Variants in UCK2 observed in about 807,000 individuals in gnomAD.
UCK2 encodes the protein cytidine monophosphokinase 2.
Under a neutral mutation model 30.8 loss-of-function variants are expected in UCK2, and 6 were observed. That is an observed-to-expected ratio of 0.19 (90% CI 0.11 to 0.38). UCK2 has a LOEUF of 0.38. UCK2 is among the 10% of genes least tolerant of loss of function. UCK2 has a pLI of 1.00. For missense variants in UCK2, 210 were observed against 339.8 expected (o/e 0.62, Z 3.00); for synonymous variants, 125 against 133.6 (o/e 0.94, Z 0.45).
At chr1:165,896,040 A>AG in intron 3 of UCK2, 150 bp from the exon 4 acceptor site, 1 of 997,390 alleles carries the variant, frequency 1.0e-6, no homozygotes, top group Non-Finnish European at 1.5e-6. Flanking sequence ...GGGCTCTGTA[A>AG]GACCATATTA....
Position 165,834,061 on chromosome 1 carries a change from A to T in UCK2, c.99+6129A>T, listed in dbSNP as rs1459335348. ...AAATATTTTTTATTTGTGACTGAAG[A>T]TTGAAAGACGTTTTATTTTTAAAAA... is the stretch of plus-strand genomic sequence containing the variant. On this transcript the variant is annotated intron_variant, in intron 1 of 6. Transcript: ENST00000367879. Among the ~76,000 whole-genome samples, 3 of 152,176 alleles carry T rather than the reference A, an allele frequency of 2.0e-5. No homozygotes were observed. In the East Asian group the frequency reaches 5.8e-4, roughly 29 times the overall value.
chr1:165,888,506 A>G (rs1302609290), intron 1 of UCK2, among the ~76,000 whole-genome samples: 2 of 151,972 alleles, frequency 1.3e-5, no homozygotes, highest in Admixed American at 1.3e-4. Flanking sequence ...TGGCCAGGCT[A>G]GTCTCAAACT....
chr1:165,881,551 G>A (rs556981703), intron 1 of UCK2, among the ~76,000 whole-genome samples: 4 of 152,184 alleles, frequency 2.6e-5, no homozygotes, highest in East Asian at 1.9e-4. Context: ...ACTTTGGTCC[G>A]AGTCACTTAA....
At chr1:165,861,650 C>CAAAAA (rs986990445) in intron 1 of UCK2, among the ~76,000 whole-genome samples, 1 of 52,366 alleles carries the variant, frequency 1.9e-5, no homozygotes, top group Non-Finnish European at 3.4e-5. Flanking sequence ...AAAAAAAAAA[C>CAAAAA]AAAAAAAAAC....
intron 1 of UCK2, among the ~76,000 whole-genome samples, chr1:165,840,085 C>T (rs1397016571): frequency 6.6e-6 from 1 of 152,076 alleles, no homozygotes; most frequent in East Asian, 1.9e-4. Context: ...TGCCCGGCTA[C>T]TTGTTGTATT....
intron 1 of UCK2, among the ~76,000 whole-genome samples, chr1:165,830,888 G>T (rs1654031049): frequency 6.6e-6 from 1 of 151,740 alleles, no homozygotes; most frequent in Admixed American, 6.6e-5. Context: ...AAATTGTGGT[G>T]GGTCGAGAAA....
At chr1:165,900,994 G>A (rs1243788312) in intron 4 of UCK2, among the ~76,000 whole-genome samples, 11 of 152,178 alleles carry the variant, frequency 7.2e-5, no homozygotes, top group Admixed American at 2.6e-4. Context: ...CGCGCTGGCT[G>A]TGTGTTTTGG....
At chr1:165,847,791 T>A (rs1571269541) in intron 1 of UCK2, among the ~76,000 whole-genome samples, 2 of 151,922 alleles carry the variant, frequency 1.3e-5, no homozygotes, top group South Asian at 4.2e-4. Flanking sequence ...AAGATTAGGG[T>A]TTTTTCTTTG....
At chr1:165,857,110 G>A (rs1654767787) in intron 1 of UCK2, among the ~76,000 whole-genome samples, 1 of 151,930 alleles carries the variant, frequency 6.6e-6, no homozygotes, top group African/African-American at 2.4e-5. Flanking sequence ...AGTCTTGTGG[G>A]GTAGATGGTA....
intron 1 of UCK2, among the ~76,000 whole-genome samples, chr1:165,857,050 G>C (rs1417322966): frequency 6.6e-6 from 1 of 152,080 alleles, no homozygotes; most frequent in East Asian, 1.9e-4. Context: ...AGGACTTATA[G>C]TTACTAGAAT....
chr1:165,850,868 C>A (rs949996360), intron 1 of UCK2, among the ~76,000 whole-genome samples: 2 of 150,306 alleles, frequency 1.3e-5, no homozygotes, highest in Non-Finnish European at 3.0e-5. Context: ...GTGATCCACC[C>A]GCCTCGGCCT....
chr1:165,905,415 T>A (rs1164271117), intron 5 of UCK2, among the ~76,000 whole-genome samples: 2 of 151,972 alleles, frequency 1.3e-5, no homozygotes, highest in African/African-American at 4.8e-5. Flanking sequence ...ACTCAGGAAG[T>A]CAAGGCTGCA....
rs117648963 is a variant in UCK2, at chr1:165,906,439, C to T, written c.646+470C>T. Among the ~76,000 whole-genome samples the T allele has an allele frequency of 8.8e-3, 1,342 of 152,312 alleles. 36 individuals are homozygous for T. The highest frequency in any genetic ancestry group is 0.057 in the Admixed American group (872 of 15,300). The stretch of plus-strand genomic sequence containing the variant: ...TTGCTCTGTCACCAAGATGGAAGTG[C>T]AGTAGCACAGTCACAGCTCATTTGC... On this transcript the variant is annotated intron_variant, in intron 6 of 6. Transcript: ENST00000367879.
At chr1:165,895,889 T>G (rs1655885223) in intron 3 of UCK2, 1 of 265,742 alleles carries the variant, frequency 3.8e-6, no homozygotes, top group East Asian at 7.7e-5. Context: ...GCCTTTATTC[T>G]TCATTCAACA....
intron 1 of UCK2, among the ~76,000 whole-genome samples, chr1:165,838,866 G>A (rs1051571836): frequency 6.6e-6 from 1 of 152,034 alleles, no homozygotes; most frequent in East Asian, 1.9e-4. Context: ...TGACCAATAT[G>A]GTGAAATCCC....
intron 4 of UCK2, among the ~76,000 whole-genome samples, chr1:165,896,879 G>A (rs956775818): frequency 2.6e-5 from 4 of 152,244 alleles, no homozygotes; most frequent in African/African-American, 7.2e-5. Context: ...GTGTGGGCCT[G>A]CCTGTGCTAA....
chr1:165,850,788 T>A (rs961504620), intron 1 of UCK2, among the ~76,000 whole-genome samples: 1 of 151,384 alleles, frequency 6.6e-6, no homozygotes, highest in East Asian at 2.0e-4. Flanking sequence ...CCAGCTAATT[T>A]TTTTTTTGTA....
chr1:165,840,701 G>C (rs1654306267), intron 1 of UCK2, among the ~76,000 whole-genome samples: 1 of 152,182 alleles, frequency 6.6e-6, no homozygotes, highest in African/African-American at 2.4e-5. Context: ...GTCGACCTTT[G>C]AAGTTTCTTA....
chr1:165,879,545 T>TTTATTATTATTATTATTATTA (rs59350667), intron 1 of UCK2, among the ~76,000 whole-genome samples: 4,853 of 146,812 alleles, frequency 0.033, 105 homozygotes, highest in African/African-American at 0.041. Flanking sequence ...ATGTTTGCTT[T>TTTATTATTATTATTATTATTA]TTATTATTAT....
Sources: gnomAD v4.1 joint callset for allele counts (sites outside exome capture counted in the v4.1 genomes callset) on GRCh38, gnomAD v4.1.1 for gene constraint, MANE v1.5 for transcripts, NCBI Gene and HGNC (gene_info 2026-07-23, HGNC 2026-07-21) for gene names.